IQCK: variants seen among roughly 807,000 people sequenced by gnomAD.
IQCK encodes the protein IQ domain-containing protein K.
In IQCK, 29 loss-of-function variants were observed where a neutral mutation model predicts 28.1. That is an observed-to-expected ratio of 1.03 (90% CI 0.77 to 1.41). IQCK has a LOEUF of 1.41. Ranked by LOEUF, IQCK falls within the 40% of genes most tolerant of loss-of-function variation. The pLI is 0.00. For synonymous variants in IQCK, 113 were observed against 115.1 expected, an observed-to-expected ratio of 0.98 and a Z score of 0.12; for missense variants, 359 against 314.7, an observed-to-expected ratio of 1.14 and a Z score of -1.07.
intron 9 of IQCK, among the ~76,000 whole-genome samples, chr16:19,839,934 T>C (rs527847018): frequency 1.3e-5 from 2 of 151,814 alleles, no homozygotes; most frequent in South Asian, 4.2e-4. Flanking sequence ...AGGTTGAGGC[T>C]GCCGTGAGCT....
chr16:19,848,984 C>G (rs1490833427), intron 9 of IQCK, among the ~76,000 whole-genome samples: 3 of 152,120 alleles, frequency 2.0e-5, no homozygotes, highest in Non-Finnish European at 2.9e-5. Flanking sequence ...TCACCCCACC[C>G]TGGATCTGAT....
At chr16:19,734,251 C>T (rs1977933573) in intron 3 of IQCK, among the ~76,000 whole-genome samples, 1 of 152,074 alleles carries the variant, frequency 6.6e-6, no homozygotes, top group African/African-American at 2.4e-5. Context: ...AATCCCAGCA[C>T]TTTGGGAGGC....
chr16:19,804,861 G>A (rs988811944), intron 7 of IQCK, among the ~76,000 whole-genome samples: 1 of 152,264 alleles, frequency 6.6e-6, no homozygotes, highest in Non-Finnish European at 1.5e-5. Flanking sequence ...ACCTTTAGGA[G>A]TTGGTCTTGA....
chr16:19,834,259 A>T (rs2056267316), intron 9 of IQCK, among the ~76,000 whole-genome samples: 1 of 152,196 alleles, frequency 6.6e-6, no homozygotes, highest in African/African-American at 2.4e-5. Context: ...GTTTCCACGT[A>T]GTCCTCACAC....
At chr16:19,784,138 G>C (rs1461940374) in intron 6 of IQCK, among the ~76,000 whole-genome samples, 1 of 152,154 alleles carries the variant, frequency 6.6e-6, no homozygotes, top group Non-Finnish European at 1.5e-5. Context: ...TCAGATAAAT[G>C]AGTATCTGCC....
At chr16:19,799,390 C>T (rs1048894043) in intron 7 of IQCK, among the ~76,000 whole-genome samples, 2 of 92,178 alleles carry the variant, frequency 2.2e-5, no homozygotes, top group Non-Finnish European at 3.7e-5. Context: ...CCTGCCTCAG[C>T]CTTCTGAGTA....
chr16:19,853,694 C>T (rs1031187895), intron 9 of IQCK, among the ~76,000 whole-genome samples: 2 of 152,182 alleles, frequency 1.3e-5, no homozygotes, highest in Admixed American at 1.3e-4. Context: ...TGCAGTAACA[C>T]GATCTTGGCT....
At chr16:19,836,342 A>G (rs553516964) in intron 9 of IQCK, among the ~76,000 whole-genome samples, 9 of 152,266 alleles carry the variant, frequency 5.9e-5, no homozygotes, top group Admixed American at 3.9e-4. Flanking sequence ...GTGTCTGGGG[A>G]TGTTTGGATG....
chr16:19,719,159 C>G (rs1977384971), intron 1 of IQCK, among the ~76,000 whole-genome samples: 1 of 152,008 alleles, frequency 6.6e-6, no homozygotes, highest in Non-Finnish European at 1.5e-5. Flanking sequence ...GAAGATGGAA[C>G]CAGATAGTCA....
intron 6 of IQCK, among the ~76,000 whole-genome samples, chr16:19,778,985 A>G (rs534114973): frequency 1.3e-5 from 2 of 152,280 alleles, no homozygotes; most frequent in African/African-American, 4.8e-5. Flanking sequence ...AAAACAACAC[A>G]CACAATTTTT....
chr16:19,726,126 C>T (rs551008722), intron 1 of IQCK, among the ~76,000 whole-genome samples: 6 of 151,900 alleles, frequency 3.9e-5, no homozygotes, highest in African/African-American at 1.2e-4. Context: ...GTGTTAGCCA[C>T]GATGGTCTCG....
intron 7 of IQCK, among the ~76,000 whole-genome samples, chr16:19,818,382 C>T (rs150234649): frequency 0.017 from 2,638 of 151,992 alleles, 85 homozygotes; most frequent in Admixed American, 0.081. Context: ...ACATATATAA[C>T]GTTTTACATA....
chr16:19,779,780 C>T (rs977895955), intron 6 of IQCK, among the ~76,000 whole-genome samples: 2 of 150,470 alleles, frequency 1.3e-5, no homozygotes, highest in African/African-American at 2.4e-5. Flanking sequence ...TGCAGTGGTG[C>T]GATCTCGGCT....
chr16:19,733,913 C>G (rs1206568867), intron 3 of IQCK, 86 bp downstream of exon 3: 1 of 1,322,546 alleles, frequency 7.6e-7, no homozygotes, highest in Admixed American at 2.0e-5. Flanking sequence ...GACAGATGGA[C>G]CTCAGGGAGA....
chr16:19,765,429 T>C (rs948065302), intron 6 of IQCK, among the ~76,000 whole-genome samples: 1 of 151,754 alleles, frequency 6.6e-6, no homozygotes, highest in African/African-American at 2.4e-5. Context: ...TCCCAGCTAC[T>C]CAGGAGGCTG....
At chr16:19,781,455 A>T (rs1048899148) in intron 6 of IQCK, among the ~76,000 whole-genome samples, 1 of 152,138 alleles carries the variant, frequency 6.6e-6, no homozygotes, top group African/African-American at 2.4e-5. Context: ...CCCAGGGTAG[A>T]GATTAGTGAA....
chr16:19,762,344 CAG>C (rs2055159810), intron 4 of IQCK, among the ~76,000 whole-genome samples: 1 of 152,158 alleles, frequency 6.6e-6, no homozygotes, highest in Non-Finnish European at 1.5e-5. Context: ...GACTGCTGCT[CAG>C]AGGATTTGAG....
At chr16:19,799,713 G>C (rs1476735620) in intron 7 of IQCK, among the ~76,000 whole-genome samples, 1 of 102,244 alleles carries the variant, frequency 9.8e-6, no homozygotes, top group Non-Finnish European at 1.7e-5. Context: ...TATATATTCA[G>C]TGAAAAACAT....
intron 7 of IQCK, among the ~76,000 whole-genome samples, chr16:19,803,140 T>A (rs2055781842): frequency 6.6e-6 from 1 of 152,042 alleles, no homozygotes; most frequent in South Asian, 2.1e-4. Flanking sequence ...TTTGTTTTGT[T>A]TGTTTGTTTT....
Sources: allele counts gnomAD v4.1 joint callset (sites outside exome capture counted in the v4.1 genomes callset), GRCh38; gene constraint gnomAD v4.1.1; transcripts MANE v1.5; gene names NCBI Gene and HGNC (gene_info 2026-07-23, HGNC 2026-07-21).